MEGF11: variants seen among roughly 807,000 people sequenced by gnomAD.
The protein encoded by MEGF11 is multiple EGF like domains 11.
In MEGF11, 126 loss-of-function variants were observed where a neutral mutation model predicts 146.6. That is an observed-to-expected ratio of 0.86 (90% CI 0.74 to 1.00). The LOEUF (loss-of-function observed/expected upper bound fraction) is 1.00. Ranked by LOEUF, MEGF11 falls within the 50% of genes least tolerant of loss-of-function variation. The pLI is 0.00. For synonymous variants in MEGF11, 532 were observed against 583.4 expected (o/e 0.91, Z 1.27); for missense variants, 1,509 against 1,521.2 (o/e 0.99, Z 0.13).
chr15:66,075,451 G>C (rs796453236), intron 5 of MEGF11, among the ~76,000 whole-genome samples: 9 of 152,332 alleles, frequency 5.9e-5, no homozygotes, highest in African/African-American at 2.2e-4. Flanking sequence ...TGCCTGTAAA[G>C]TATGAGTTGA....
At chr15:66,055,066 C>G (rs531711894) in intron 5 of MEGF11, among the ~76,000 whole-genome samples, 78 of 152,310 alleles carry the variant, frequency 5.1e-4, no homozygotes, top group African/African-American at 1.9e-3. Context: ...AGCCATCCCT[C>G]CTGTATTGAA....
At chr15:66,172,890 C>T (rs1263641615) in intron 1 of MEGF11, among the ~76,000 whole-genome samples, 1 of 152,236 alleles carries the variant, frequency 6.6e-6, no homozygotes, top group East Asian at 1.9e-4. Flanking sequence ...AGTCTTTTGA[C>T]TCTGTCTAAT....
chr15:66,211,262 G>A (rs975461035), intron 1 of MEGF11, among the ~76,000 whole-genome samples: 10 of 152,162 alleles, frequency 6.6e-5, no homozygotes, highest in Non-Finnish European at 1.0e-4. Context: ...GGTGGCTCAC[G>A]CCTGTAATCT....
chr15:66,041,859 C>A (rs768823747), intron 5 of MEGF11, among the ~76,000 whole-genome samples: 1 of 152,238 alleles, frequency 6.6e-6, no homozygotes, highest in Non-Finnish European at 1.5e-5. Flanking sequence ...AGCTAAGTTA[C>A]GTGCTCAAGG....
intron 5 of MEGF11, among the ~76,000 whole-genome samples, chr15:66,023,145 A>AAAAAACAAACAAAC (rs1275449365): frequency 6.6e-6 from 1 of 151,062 alleles, no homozygotes; most frequent in African/African-American, 2.4e-5. Context: ...CATCTCAAAA[A>AAAAAACAAACAAAC]AAAAAAAAAA....
intron 5 of MEGF11, among the ~76,000 whole-genome samples, chr15:66,078,161 C>A (rs2085674268): frequency 6.6e-6 from 1 of 152,152 alleles, no homozygotes; most frequent in African/African-American, 2.4e-5. Context: ...AGGTACTGAA[C>A]CTCTCAGAGC....
chr15:65,966,800 C>A (rs1027911668), intron 8 of MEGF11, among the ~76,000 whole-genome samples: 1 of 151,954 alleles, frequency 6.6e-6, no homozygotes, highest in Non-Finnish European at 1.5e-5. Flanking sequence ...CCTCCGTGGG[C>A]GAGTGTGACC....
chr15:66,120,096 G>T (rs2087947235), intron 3 of MEGF11, among the ~76,000 whole-genome samples: 1 of 152,154 alleles, frequency 6.6e-6, no homozygotes, highest in Admixed American at 6.5e-5. Context: ...TCAGAGCCAG[G>T]ATTCAAACCT....
chr15:66,135,610 A>G (rs1484817734), intron 1 of MEGF11, among the ~76,000 whole-genome samples: 1 of 152,118 alleles, frequency 6.6e-6, no homozygotes, highest in Non-Finnish European at 1.5e-5. Context: ...CTTTGCAGGT[A>G]TTGATGCTAA....
chr15:66,243,327 A>G (rs1023844757), intron 1 of MEGF11, among the ~76,000 whole-genome samples: 2 of 152,184 alleles, frequency 1.3e-5, no homozygotes, highest in African/African-American at 4.8e-5. Flanking sequence ...TAATGCTGGG[A>G]TCAGAGAGGG....
chr15:65,899,596 A>C (rs1357118958), intron 24 of MEGF11, among the ~76,000 whole-genome samples: 2 of 152,214 alleles, frequency 1.3e-5, no homozygotes, highest in Admixed American at 6.5e-5. Context: ...GACAGCCTAT[A>C]AGTGGCAGAC....
intron 5 of MEGF11, among the ~76,000 whole-genome samples, chr15:66,068,971 T>C (rs938892221): frequency 6.6e-6 from 1 of 152,244 alleles, no homozygotes; most frequent in African/African-American, 2.4e-5. Flanking sequence ...GACACAGCGG[T>C]GAGACACCAG....
chr15:65,901,586 C>G (rs2078496505), intron 24 of MEGF11, among the ~76,000 whole-genome samples: 2 of 151,434 alleles, frequency 1.3e-5, no homozygotes, highest in Non-Finnish European at 2.9e-5. Flanking sequence ...TGCTCCTGTC[C>G]TTATCTCTAA....
chr15:65,961,302 AT>A (rs1407452882), intron 9 of MEGF11, among the ~76,000 whole-genome samples: 2 of 151,820 alleles, frequency 1.3e-5, no homozygotes. Flanking sequence ...CTTTTCTCCC[AT>A]TTCCCCCAGA....
At chr15:65,985,157 C>T (rs947862135) in intron 5 of MEGF11, among the ~76,000 whole-genome samples, 2 of 152,172 alleles carry the variant, frequency 1.3e-5, no homozygotes, top group African/African-American at 4.8e-5. Context: ...TCACAACAAC[C>T]ATGTAAGTTA....
chr15:65,917,310 T>G (rs984068055), intron 16 of MEGF11, among the ~76,000 whole-genome samples: 1 of 152,120 alleles, frequency 6.6e-6, no homozygotes, highest in African/African-American at 2.4e-5. Context: ...CCCATGAGAA[T>G]GGGGACTTTC....
chr15:66,009,591 T>C (rs1296736078), intron 5 of MEGF11, among the ~76,000 whole-genome samples: 2 of 46,192 alleles, frequency 4.3e-5, no homozygotes, highest in Non-Finnish European at 1.1e-4. Flanking sequence ...GGGTCACATA[T>C]GGTTTTTTTT....
intron 5 of MEGF11, among the ~76,000 whole-genome samples, chr15:66,017,879 G>A (rs766063585): frequency 2.0e-5 from 3 of 152,210 alleles, no homozygotes; most frequent in Non-Finnish European, 4.4e-5. Context: ...CTGATCTAGC[G>A]GCTGCCAGGA....
At chr15:66,002,572 G>A (rs2082399864) in intron 5 of MEGF11, among the ~76,000 whole-genome samples, 1 of 152,202 alleles carries the variant, frequency 6.6e-6, no homozygotes, top group Non-Finnish European at 1.5e-5. Flanking sequence ...GGTGACCTTG[G>A]GCAAGTTACT....
Sources: allele counts gnomAD v4.1 joint callset (sites outside exome capture counted in the v4.1 genomes callset), GRCh38; gene constraint gnomAD v4.1.1; transcripts MANE v1.5; gene names NCBI Gene and HGNC (gene_info 2026-07-23, HGNC 2026-07-21).